Variants in CDK14 observed in about 807,000 individuals in gnomAD.
CDK14 encodes cyclin dependent kinase 14, also known as cyclin-dependent kinase 14.
Under a neutral mutation model 60.7 loss-of-function variants are expected in CDK14, and 34 were observed. The observed-to-expected ratio is 0.56, with a 90% CI of 0.43 to 0.75. The LOEUF (loss-of-function observed/expected upper bound fraction) is 0.75. Among genes scored for constraint, CDK14 ranks in the 30% least tolerant of loss-of-function variants. CDK14 has a pLI of 0.00. For synonymous variants in CDK14, 197 were observed against 203.7 expected, an observed-to-expected ratio of 0.97 and a Z score of 0.28; for missense variants, 482 against 564.1, an observed-to-expected ratio of 0.85 and a Z score of 1.47.
At chr7:90,701,771 A>T (rs1200616071) in intron 2 of CDK14, among the ~76,000 whole-genome samples, 1 of 152,180 alleles carries the variant, frequency 6.6e-6, no homozygotes, top group Non-Finnish European at 1.5e-5. Context: ...CAAGAGCTGA[A>T]CAACTGCGCT....
intron 6 of CDK14, among the ~76,000 whole-genome samples, chr7:90,879,305 A>G (rs1037422579): frequency 6.6e-6 from 1 of 152,142 alleles, no homozygotes; most frequent in Non-Finnish European, 1.5e-5. Context: ...TTTTATACCC[A>G]TGCTAGTGTT....
At chr7:91,058,637 CTTTT>C (rs1797666245) in intron 11 of CDK14, among the ~76,000 whole-genome samples, 2 of 152,270 alleles carry the variant, frequency 1.3e-5, no homozygotes, top group South Asian at 2.1e-4. Flanking sequence ...TTGTCAAAGG[CTTTT>C]TCTGCATCTA....
chr7:90,596,424 C>T lies in CDK14; in HGVS notation c.-204C>T, dbSNP rs1799186282. The stretch of plus-strand genomic sequence containing the variant: ...GCACCACGTAAACCGCCCCCGCCCG[C>T]CCAGCTGCGGCCCAGGCCGGAGCGG... On this transcript the variant is annotated 5_prime_UTR_variant, in exon 1 of 15. Coordinates refer to ENST00000380050, the MANE Select transcript of CDK14 (RefSeq NM_001287135.2). The T allele has an allele frequency of 2.9e-6, 1 of 347,196 alleles. No individual in the cohort carries two copies. The highest frequency in any genetic ancestry group is 4.9e-5 in the Admixed American group (1 of 20,530). The allele number at this position is 347,196 out of a possible 1,614,324, so 21.5% of individuals were successfully genotyped here. A position where few individuals can be genotyped will look rare whatever the true frequency, so the allele number is the denominator to read the frequency against.
intron 3 of CDK14, among the ~76,000 whole-genome samples, chr7:90,728,447 A>C (rs1235688427): frequency 6.6e-6 from 1 of 151,446 alleles, no homozygotes; most frequent in Non-Finnish European, 1.5e-5. Flanking sequence ...TTTAATTTTT[A>C]ACCCTTCAAT....
chr7:90,850,421 TA>T (rs1790611131), intron 5 of CDK14, among the ~76,000 whole-genome samples: 2 of 152,116 alleles, frequency 1.3e-5, no homozygotes, highest in Non-Finnish European at 2.9e-5. Context: ...GAGTGGGGGA[TA>T]TAGACAGGTG....
intron 5 of CDK14, among the ~76,000 whole-genome samples, chr7:90,829,735 G>C (rs769204279): frequency 6.6e-6 from 1 of 152,152 alleles, no homozygotes; most frequent in Non-Finnish European, 1.5e-5. Context: ...GTTTCACCAT[G>C]TTGGTCAGGC....
At chr7:91,131,015 TG>T (rs749537274) in intron 14 of CDK14, among the ~76,000 whole-genome samples, 19 of 152,122 alleles carry the variant, frequency 1.2e-4, no homozygotes, top group East Asian at 5.8e-4. Context: ...TGGGTGCATT[TG>T]GGGTTTCAGA....
chr7:91,150,497 T>C (rs1348904774), intron 14 of CDK14, among the ~76,000 whole-genome samples: 2 of 152,206 alleles, frequency 1.3e-5, no homozygotes, highest in East Asian at 1.9e-4. Context: ...ATTGTGTATG[T>C]GTGTGTTTCT....
intron 4 of CDK14, among the ~76,000 whole-genome samples, chr7:90,760,374 G>A (rs1804265671): frequency 6.6e-6 from 1 of 152,158 alleles, no homozygotes; most frequent in Non-Finnish European, 1.5e-5. Flanking sequence ...AATTCTAGAA[G>A]TCAGTAATCC....
intron 6 of CDK14, among the ~76,000 whole-genome samples, chr7:90,892,295 A>C (rs1183295514): frequency 6.6e-6 from 1 of 152,146 alleles, no homozygotes; most frequent in Non-Finnish European, 1.5e-5. Context: ...TAAAAGGGGC[A>C]GTTCTCCACT....
chr7:91,038,479 A>C (rs759426575), intron 10 of CDK14, among the ~76,000 whole-genome samples: 4 of 152,242 alleles, frequency 2.6e-5, no homozygotes, highest in Non-Finnish European at 5.9e-5. Context: ...CAACTGTGAC[A>C]ATTTTTACTA....
intron 2 of CDK14, among the ~76,000 whole-genome samples, chr7:90,690,210 T>G (rs1305068348): frequency 1.3e-5 from 2 of 152,148 alleles, no homozygotes; most frequent in Non-Finnish European, 2.9e-5. Context: ...CAATCTACTT[T>G]TAATGCTCTG....
rs1457251103 is a variant in CDK14, at chr7:91,208,881, G to C, written c.*1745G>C. On this transcript the variant is annotated 3_prime_UTR_variant, in exon 15 of 15. Coordinates refer to ENST00000380050, the MANE Select transcript of CDK14 (RefSeq NM_001287135.2). Reference sequence around the variant, plus strand: ...ATTATTTACTGATTGGTTTTAAAGAGAGCAGAAAACACCCAAGTGTAGAAT... The same window carrying C: ...ATTATTTACTGATTGGTTTTAAAGACAGCAGAAAACACCCAAGTGTAGAAT... 1.3e-5 allele frequency: 2 copies of C among 152,614 alleles called. No individual in the cohort carries two copies. The highest frequency in any genetic ancestry group is 1.3e-4 in the Admixed American group (2 of 15,284). 9.5% of individuals were successfully genotyped at this position (152,614 alleles called of 1,614,324 possible). A position where few individuals can be genotyped will look rare whatever the true frequency, so the allele number is the denominator to read the frequency against.
chr7:90,906,297 C>T (rs1792698579), intron 7 of CDK14, among the ~76,000 whole-genome samples: 1 of 151,976 alleles, frequency 6.6e-6, no homozygotes, highest in Admixed American at 6.6e-5. Flanking sequence ...CTCAACTGAG[C>T]TAAAATAAGA....
chr7:90,831,173 A>G (rs985096949), intron 5 of CDK14, among the ~76,000 whole-genome samples: 4 of 152,212 alleles, frequency 2.6e-5, no homozygotes, highest in Admixed American at 6.5e-5. Context: ...TCACACTGCT[A>G]TAAATAACTA....
At chr7:91,198,296 T>C (rs561740852) in intron 14 of CDK14, among the ~76,000 whole-genome samples, 1 of 152,252 alleles carries the variant, frequency 6.6e-6, no homozygotes, top group South Asian at 2.1e-4. Flanking sequence ...CCACTTCAAA[T>C]ATATTGAACT....
At chr7:90,657,296 C>T (rs1800771934) in intron 2 of CDK14, among the ~76,000 whole-genome samples, 2 of 152,170 alleles carry the variant, frequency 1.3e-5, no homozygotes, top group South Asian at 4.1e-4. Context: ...TTTTTGTTTC[C>T]TTGCTTGAAA....
intron 2 of CDK14, among the ~76,000 whole-genome samples, chr7:90,667,164 T>C (rs1318491566): frequency 2.6e-5 from 4 of 152,236 alleles, no homozygotes; most frequent in Non-Finnish European, 4.4e-5. Flanking sequence ...TTCACTCTTA[T>C]AGTCATCATT....
intron 10 of CDK14, among the ~76,000 whole-genome samples, 191 bp from the exon 11 acceptor site, chr7:91,045,706 A>C (rs1332920757): frequency 6.6e-6 from 1 of 152,202 alleles, no homozygotes; most frequent in Non-Finnish European, 1.5e-5. Context: ...TATTTGTTAT[A>C]ACACAGAGAT....
Sources: gnomAD v4.1 joint callset for allele counts (sites outside exome capture counted in the v4.1 genomes callset) on GRCh38, gnomAD v4.1.1 for gene constraint, MANE v1.5 for transcripts, NCBI Gene and HGNC (gene_info 2026-07-23, HGNC 2026-07-21) for gene names.